The following ARHGEF9 variants were observed in gnomAD, a reference collection of about 807,000 sequenced individuals.
The protein encoded by ARHGEF9 is rho guanine nucleotide exchange factor 9.
Under a neutral mutation model 41.3 loss-of-function variants are expected in ARHGEF9, and 2 were observed. The ratio of observed to expected loss-of-function variants is 0.05; its 90% CI spans 0.02 to 0.15. The LOEUF is 0.15. Among genes scored for constraint, ARHGEF9 ranks in the 10% least tolerant of loss-of-function variants. The probability of loss-of-function intolerance (pLI) is 1.00; values close to 1 mark genes in which losing one functional copy is unlikely to be tolerated. For missense variants in ARHGEF9, 225 were observed against 424.7 expected (o/e 0.53, Z 4.13); for synonymous variants, 160 against 154.4 (o/e 1.04, Z -0.27).
chrX:63,660,284 C>G (rs1457425858), intron 7 of ARHGEF9, among the ~76,000 whole-genome samples: 1 of 111,558 alleles, frequency 9.0e-6, no homozygotes, highest in Non-Finnish European at 1.9e-5. Context: ...AGCAAATTAA[C>G]ACAGGAACAG....
rs868964934 is a variant in ARHGEF9, at chrX:63,637,880, G to C, written c.*148C>G. ...TGTGTGTGTGTGTGTGTGTGTGTGT[G>C]TCTGTGTGTGTGTGTGTGTATGTGT... On this transcript the variant is annotated 3_prime_UTR_variant, in exon 10 of 10. Transcript: ENST00000671741. 6.5e-4 allele frequency: 252 copies of C among 387,204 alleles called. 1 individual carries two copies. The African/African-American group carries it at 7.0e-3, about 11-fold the overall frequency. The allele number at this position is 387,204 out of a possible 1,213,427, so 31.9% of individuals were successfully genotyped here.
At chrX:63,769,709 C>T (rs1556453584) in intron 1 of ARHGEF9, among the ~76,000 whole-genome samples, 1 of 112,319 alleles carries the variant, frequency 8.9e-6, no homozygotes, top group South Asian at 3.7e-4. Context: ...ATAAAAGGGG[C>T]CAAGGTACAG....
At chrX:63,692,137 T>C (rs2051395733) in intron 4 of ARHGEF9, among the ~76,000 whole-genome samples, 1 of 112,112 alleles carries the variant, frequency 8.9e-6, no homozygotes, top group South Asian at 3.7e-4. Flanking sequence ...CCTCAGGTCA[T>C]TGATATGCAC....
chrX:63,649,052 AG>A, intron 8 of ARHGEF9, among the ~76,000 whole-genome samples: 1 of 111,381 alleles, frequency 9.0e-6, no homozygotes, highest in East Asian at 2.8e-4. Flanking sequence ...CGAGACAAAA[AG>A]TTAACAAGGA....
At chrX:63,669,430 T>C (rs2049800339) in intron 6 of ARHGEF9, among the ~76,000 whole-genome samples, 1 of 111,559 alleles carries the variant, frequency 9.0e-6, no homozygotes, top group African/African-American at 3.3e-5. Flanking sequence ...AAAACATAAG[T>C]CTCATAATTT....
In ARHGEF9 at chrX:63,645,941, C is replaced by A. The variant is rs782752298; in HGVS notation, c.1322-1893G>T. On this transcript the variant is annotated intron_variant, in intron 8 of 9. Transcript: ENST00000671741. ...CCATTCCAACTGGAGTGAGATGGTA[C>A]CTCATTGTCGTTTTGATCTGCATTT... Among the ~76,000 whole-genome samples the A allele has an allele frequency of 1.1e-3, 118 of 112,022 alleles. No homozygotes were observed. In the Middle Eastern group the frequency reaches 0.032, roughly 30 times the overall value.
intron 9 of ARHGEF9, chrX:63,639,642 G>A (rs1409646342): frequency 1.8e-5 from 2 of 111,805 alleles, no homozygotes; most frequent in South Asian, 3.7e-4. Context: ...AAATCAGTAC[G>A]TTGAAGAGAT....
At chrX:63,686,603 A>G (rs1322790752) in intron 4 of ARHGEF9, among the ~76,000 whole-genome samples, 1 of 112,095 alleles carries the variant, frequency 8.9e-6, no homozygotes, top group Non-Finnish European at 1.9e-5. Context: ...GCTAAGCCAC[A>G]GACTGGGATA....
chrX:63,650,564 AAGATTTAGTTTGTGATAGG>A (rs2048477817), intron 8 of ARHGEF9, among the ~76,000 whole-genome samples: 1 of 110,946 alleles, frequency 9.0e-6, no homozygotes, highest in Non-Finnish European at 1.9e-5. Flanking sequence ...TAGAAGGAAT[AAGATTTAGTTTGTGATAGG>A]ACAGTAGGGA....
intron 1 of ARHGEF9, among the ~76,000 whole-genome samples, chrX:63,767,692 G>A (rs1202321542): frequency 2.7e-5 from 3 of 112,252 alleles, no homozygotes; most frequent in South Asian, 3.7e-4. Context: ...CAAAATAAAC[G>A]CTGGCTTGGG....
At chrX:63,720,317 A>G (rs1480588575) in intron 2 of ARHGEF9, among the ~76,000 whole-genome samples, 2 of 112,252 alleles carry the variant, frequency 1.8e-5, no homozygotes, top group African/African-American at 6.5e-5. Flanking sequence ...GTGACCATAT[A>G]TAACAAGAAT....
chrX:63,760,381 A>C (rs377702031), intron 1 of ARHGEF9, among the ~76,000 whole-genome samples: 1 of 111,249 alleles, frequency 9.0e-6, no homozygotes, highest in African/African-American at 3.3e-5. Flanking sequence ...GCTGCCCCCT[A>C]AGGACAAAAA....
intron 3 of ARHGEF9, among the ~76,000 whole-genome samples, chrX:63,703,585 G>A (rs1237649276): frequency 8.0e-5 from 9 of 111,996 alleles, no homozygotes; most frequent in Non-Finnish European, 1.5e-4. Context: ...AATATTTATC[G>A]AGCATCTACT....
intron 1 of ARHGEF9, among the ~76,000 whole-genome samples, chrX:63,772,142 T>C (rs1173219146): frequency 2.7e-5 from 3 of 112,459 alleles, no homozygotes; most frequent in African/African-American, 9.7e-5. Context: ...TGAAGTCACT[T>C]ACTCAAAATT....
At chrX:63,756,757 A>T (rs1437707297) in intron 1 of ARHGEF9, among the ~76,000 whole-genome samples, 2 of 112,175 alleles carry the variant, frequency 1.8e-5, no homozygotes, top group African/African-American at 3.2e-5. Context: ...TGAGACAGAT[A>T]CTGGTGATCA....
At chrX:63,771,692 G>A (rs782476275) in intron 1 of ARHGEF9, among the ~76,000 whole-genome samples, 2 of 109,854 alleles carry the variant, frequency 1.8e-5, no homozygotes, top group Non-Finnish European at 3.8e-5. Context: ...TCAGCCTCCC[G>A]AGTAGCTGGA....
intron 3 of ARHGEF9, among the ~76,000 whole-genome samples, chrX:63,705,348 TAAGA>T (rs1330787862): frequency 1.1e-5 from 1 of 88,901 alleles, no homozygotes; most frequent in Non-Finnish European, 2.2e-5. Flanking sequence ...AAGAAAGATA[TAAGA>T]GAGAATGTGT....
At chrX:63,678,607 A>G (rs1556365535) in intron 4 of ARHGEF9, 35 bp from the exon 5 acceptor site, 1 of 1,042,833 alleles carries the variant, frequency 9.6e-7, no homozygotes, top group Non-Finnish European at 1.3e-6. Flanking sequence ...GGAAAAGTCT[A>G]CCAAGGACCC....
chrX:63,767,160 C>T (rs2056126641), intron 1 of ARHGEF9: 3 of 821,567 alleles, frequency 3.7e-6, no homozygotes, highest in Non-Finnish European at 3.6e-6. Context: ...GACAGAAATG[C>T]CATGCAGCAT....
Sources: allele counts gnomAD v4.1 joint callset (sites outside exome capture counted in the v4.1 genomes callset), GRCh38; gene constraint gnomAD v4.1.1; transcripts MANE v1.5; gene names NCBI Gene and HGNC (gene_info 2026-07-23, HGNC 2026-07-21).